Variants in RBFOX1 observed in about 807,000 individuals in gnomAD.
RBFOX1 encodes RNA binding protein fox-1 homolog 1.
RBFOX1 carries 8 observed loss-of-function variants against 57.7 expected under a neutral mutation model. That is an observed-to-expected ratio of 0.14 (90% CI 0.08 to 0.25). The LOEUF is 0.25. Ranked by LOEUF, RBFOX1 falls within the 10% of genes least tolerant of loss-of-function variation. RBFOX1 has a pLI of 1.00. For missense variants in RBFOX1, 611 were observed against 548.5 expected (o/e 1.11, Z -1.14); for synonymous variants, 326 against 222.4 (o/e 1.47, Z -4.15).
chr16:7,629,300 C>CT (rs2060563813), intron 10 of RBFOX1, among the ~76,000 whole-genome samples: 1 of 152,138 alleles, frequency 6.6e-6, no homozygotes, highest in Non-Finnish European at 1.5e-5. Flanking sequence ...ACCCCACACG[C>CT]TTTGGAAGTT....
intron 1 of RBFOX1, among the ~76,000 whole-genome samples, chr16:6,188,387 A>ATTTAT (rs1244243213): frequency 6.7e-6 from 1 of 149,816 alleles, no homozygotes; most frequent in Non-Finnish European, 1.5e-5. Context: ...TTGAGAAGAA[A>ATTTAT]TTTATCTGCT....
chr16:7,452,774 C>G (rs1382418368), intron 4 of RBFOX1, among the ~76,000 whole-genome samples: 1 of 152,100 alleles, frequency 6.6e-6, no homozygotes, highest in Admixed American at 6.6e-5. Context: ...ATGTAGATTA[C>G]TTAGAGTCTG....
chr16:7,100,294 C>G (rs1355985510), intron 4 of RBFOX1, among the ~76,000 whole-genome samples: 5 of 152,030 alleles, frequency 3.3e-5, no homozygotes, highest in Non-Finnish European at 1.5e-5. Flanking sequence ...AAAAAGAACC[C>G]TGACTCTTTC....
At chr16:7,311,076 C>G (rs2096295513) in intron 4 of RBFOX1, among the ~76,000 whole-genome samples, 1 of 151,958 alleles carries the variant, frequency 6.6e-6, no homozygotes, top group Admixed American at 6.6e-5. Flanking sequence ...CTTTGTGATG[C>G]TTTTTTTTCC....
At chr16:6,211,077 A>G (rs1330917294) in intron 1 of RBFOX1, among the ~76,000 whole-genome samples, 2 of 151,704 alleles carry the variant, frequency 1.3e-5, no homozygotes, top group African/African-American at 4.8e-5. Flanking sequence ...GATGGAAAAC[A>G]TCAAGAAAGA....
intron 4 of RBFOX1, among the ~76,000 whole-genome samples, chr16:7,074,003 C>A (rs1422244608): frequency 6.6e-6 from 1 of 152,188 alleles, no homozygotes; most frequent in Non-Finnish European, 1.5e-5. Context: ...TATAGTCATT[C>A]CTATTTGTTT....
chr16:7,021,430 A>G (rs953094437), intron 3 of RBFOX1, among the ~76,000 whole-genome samples: 13 of 141,010 alleles, frequency 9.2e-5, no homozygotes, highest in East Asian at 6.9e-4. Flanking sequence ...ATATATTTGT[A>G]TATATGTTTT....
intron 1 of RBFOX1, among the ~76,000 whole-genome samples, chr16:6,103,838 G>C (rs1478499316): frequency 6.6e-6 from 1 of 152,094 alleles, no homozygotes; most frequent in Non-Finnish European, 1.5e-5. Flanking sequence ...AACAGGATTG[G>C]TGAGGTCCAC....
At chr16:6,855,755 C>G (rs1217689941) in intron 3 of RBFOX1, among the ~76,000 whole-genome samples, 1 of 151,992 alleles carries the variant, frequency 6.6e-6, no homozygotes, top group East Asian at 1.9e-4. Flanking sequence ...TTGCGCAGCC[C>G]TTGGAAGTTT....
In RBFOX1 at chr16:6,647,645, T is replaced by C. The variant is rs537693049; in HGVS notation, c.-63-6958T>C. On this transcript the variant is annotated intron_variant, in intron 2 of 15. Transcript: ENST00000550418. ...CACTGAGGGTTAGAGCTATGACATA[T>C]GAATTTTAGGGGGGACACATACATT... Among the ~76,000 whole-genome samples, 3 of 152,286 alleles carry C rather than the reference T, an allele frequency of 2.0e-5. No homozygotes were observed. In the South Asian group the frequency reaches 6.2e-4, roughly 32 times the overall value.
At chr16:6,792,196 A>C (rs1024617304) in intron 3 of RBFOX1, among the ~76,000 whole-genome samples, 1 of 152,202 alleles carries the variant, frequency 6.6e-6, no homozygotes, top group African/African-American at 2.4e-5. Flanking sequence ...TAAGGTGAGT[A>C]ATAACAAAAC....
At chr16:7,406,186 C>T (rs2098337284) in intron 4 of RBFOX1, among the ~76,000 whole-genome samples, 1 of 152,142 alleles carries the variant, frequency 6.6e-6, no homozygotes, top group African/African-American at 2.4e-5. Context: ...TCATCTAGAT[C>T]ATGACACCTA....
At chr16:5,636,343 T>G (rs2048686018) in intron 3 of RBFOX1, among the ~76,000 whole-genome samples, 2 of 152,174 alleles carry the variant, frequency 1.3e-5, no homozygotes. Context: ...AGTGAAACTC[T>G]GTCTCAAAAA....
intron 14 of RBFOX1, among the ~76,000 whole-genome samples, chr16:7,687,327 T>C (rs2076277890): frequency 6.6e-6 from 1 of 151,992 alleles, no homozygotes; most frequent in Non-Finnish European, 1.5e-5. Context: ...GAACCTCCCT[T>C]TGAAGGTGAT....
intron 3 of RBFOX1, among the ~76,000 whole-genome samples, chr16:6,986,665 C>G (rs951599583): frequency 6.6e-6 from 1 of 152,098 alleles, no homozygotes; most frequent in Non-Finnish European, 1.5e-5. Context: ...TTTTCCTTCC[C>G]TTCCTCTCCC....
intron 4 of RBFOX1, among the ~76,000 whole-genome samples, chr16:7,431,895 A>G (rs1413994014): frequency 1.3e-5 from 2 of 152,176 alleles, no homozygotes; most frequent in African/African-American, 4.8e-5. Flanking sequence ...CCCACCATCC[A>G]GTTCACAGGA....
intron 3 of RBFOX1, chr16:5,610,231 C>T (rs754106346): frequency 6.6e-6 from 1 of 152,268 alleles, no homozygotes; most frequent in Non-Finnish European, 1.5e-5. Context: ...ATGCCTGTGC[C>T]TGCATGTAAT....
chr16:7,651,420 A>G (rs1015171264), intron 11 of RBFOX1, among the ~76,000 whole-genome samples: 6 of 152,202 alleles, frequency 3.9e-5, no homozygotes, highest in African/African-American at 1.4e-4. Context: ...AGTGCACTAC[A>G]TGGTCACCCC....
At chr16:7,318,403 G>T (rs1160162008) in intron 4 of RBFOX1, among the ~76,000 whole-genome samples, 1 of 152,040 alleles carries the variant, frequency 6.6e-6, no homozygotes, top group African/African-American at 2.4e-5. Flanking sequence ...AGTGATTCTG[G>T]TTAGATGCAG....
Sources: allele counts gnomAD v4.1 joint callset (sites outside exome capture counted in the v4.1 genomes callset), GRCh38; gene constraint gnomAD v4.1.1; transcripts MANE v1.5; gene names NCBI Gene and HGNC (gene_info 2026-07-23, HGNC 2026-07-21).